The following LMBR1 variants were observed in gnomAD, a reference collection of about 807,000 sequenced individuals.
The protein encoded by LMBR1 is limb development membrane protein 1.
Under a neutral mutation model 73.9 loss-of-function variants are expected in LMBR1, and 52 were observed. The observed-to-expected ratio is 0.70, with a 90% CI of 0.56 to 0.89. The LOEUF (loss-of-function observed/expected upper bound fraction) is 0.89, where lower values mean the gene tolerates loss of function less well. LMBR1 is among the 40% of genes least tolerant of loss of function. The pLI is 0.00. For missense variants in LMBR1, 539 were observed against 579.8 expected, an observed-to-expected ratio of 0.93 and a Z score of 0.72; for synonymous variants, 215 against 209.4, an observed-to-expected ratio of 1.03 and a Z score of -0.23.
intron 4 of LMBR1, among the ~76,000 whole-genome samples, chr7:156,797,430 T>A (rs1299693124): frequency 6.6e-6 from 1 of 152,224 alleles, no homozygotes; most frequent in African/African-American, 2.4e-5. Flanking sequence ...ATAAATTCAA[T>A]GAACTGTTTG....
intron 8 of LMBR1, among the ~76,000 whole-genome samples, chr7:156,759,509 C>G (rs554752398): frequency 6.6e-6 from 1 of 152,260 alleles, no homozygotes; most frequent in South Asian, 2.1e-4. Context: ...TACTATCTAA[C>G]TTATAGGTTT....
intron 1 of LMBR1, among the ~76,000 whole-genome samples, chr7:156,858,813 C>T (rs1797331082): frequency 6.6e-6 from 1 of 152,020 alleles, no homozygotes; most frequent in South Asian, 2.1e-4. Context: ...GAAACATAAC[C>T]TATCAATAGA....
Position 156,753,192 on chromosome 7 carries a change from G to A in LMBR1, c.757+3201C>T, listed in dbSNP as rs115489269. ...ACAGGGACAGGCAAGGAGTGTCCTG[G>A]AGTGATGGGAAGGACATGCACACAG... is the stretch of plus-strand genomic sequence containing the variant. On this transcript the variant is annotated intron_variant, in intron 9 of 16. Coordinates refer to ENST00000353442, the MANE Select transcript of LMBR1 (RefSeq NM_022458.4). Among the ~76,000 whole-genome samples, 958 of 152,132 alleles carry A rather than the reference G, an allele frequency of 6.3e-3. 7 individuals carry two copies. The highest frequency in any genetic ancestry group is 0.022 in the African/African-American group (897 of 41,490).
rs3757433 is a variant in LMBR1, at chr7:156,687,939, G to A, written c.1387+91C>T. The A allele has an allele frequency of 0.047, 57,855 of 1,235,362 alleles. 2,102 individuals carry two copies. The highest frequency in any genetic ancestry group is 0.15 in the East Asian group (5,806 of 38,788). 76.5% of individuals were successfully genotyped at this position (1,235,362 alleles called of 1,614,324 possible). ...TGACCTCTAAGGTTTTACAAATTTG[G>A]GAAACTAAATAGCTGAAGATGTAAT... On this transcript the variant is annotated intron_variant, in intron 16 of 16. Coordinates refer to ENST00000353442, the MANE Select transcript of LMBR1 (RefSeq NM_022458.4).
chr7:156,712,349 TA>T (rs771271552), intron 15 of LMBR1, among the ~76,000 whole-genome samples: 5 of 150,366 alleles, frequency 3.3e-5, no homozygotes, highest in Admixed American at 2.0e-4. Context: ...TATTAAAAAG[TA>T]AAAAAAAACA....
chr7:156,673,919 A>AG (rs1554451269), downstream of LMBR1, among the ~76,000 whole-genome samples: 317 of 150,164 alleles, frequency 2.1e-3, 2 homozygotes, highest in African/African-American at 5.5e-3. Flanking sequence ...AAAAAAAAAA[A>AG]AAAGAAAAAG....
intron 15 of LMBR1, among the ~76,000 whole-genome samples, chr7:156,707,204 G>A (rs547002308): frequency 9.2e-5 from 14 of 152,098 alleles, no homozygotes; most frequent in Non-Finnish European, 1.9e-4. Flanking sequence ...TAAAAAACCC[G>A]AGCAGGCCAA....
chr7:156,820,049 G>A (rs1303538252), intron 4 of LMBR1, among the ~76,000 whole-genome samples: 1 of 152,152 alleles, frequency 6.6e-6, no homozygotes, highest in Non-Finnish European at 1.5e-5. Flanking sequence ...AAAGATGCAG[G>A]GGTGGGGATT....
chr7:156,690,730 TAA>T, intron 15 of LMBR1, among the ~76,000 whole-genome samples: 1 of 152,308 alleles, frequency 6.6e-6, no homozygotes, highest in South Asian at 2.1e-4. Flanking sequence ...TATTACCTCA[TAA>T]AAACTAGTTC....
At chr7:156,806,250 A>G (rs955881588) in intron 4 of LMBR1, among the ~76,000 whole-genome samples, 1 of 152,160 alleles carries the variant, frequency 6.6e-6, no homozygotes, top group African/African-American at 2.4e-5. Flanking sequence ...CATATAAGTG[A>G]TATTGGGTTG....
intron 4 of LMBR1, among the ~76,000 whole-genome samples, chr7:156,801,704 G>C (rs1831006548): frequency 6.6e-6 from 1 of 152,172 alleles, no homozygotes; most frequent in South Asian, 2.1e-4. Context: ...GCTGATTTTT[G>C]TATTTTTTGT....
intron 1 of LMBR1, among the ~76,000 whole-genome samples, chr7:156,840,964 C>CAAAAAAAAAAA (rs57968006): frequency 5.6e-5 from 4 of 71,288 alleles, no homozygotes; most frequent in African/African-American, 1.4e-4. Flanking sequence ...GACTCGGTCT[C>CAAAAAAAAAAA]AAAAAAAAAA....
intron 4 of LMBR1, among the ~76,000 whole-genome samples, chr7:156,797,438 T>C (rs1356665813): frequency 2.0e-5 from 3 of 152,232 alleles, no homozygotes; most frequent in Non-Finnish European, 2.9e-5. Context: ...AATGAACTGT[T>C]TGCCATTATA....
chr7:156,827,765 C>T (rs775444659), intron 3 of LMBR1, among the ~76,000 whole-genome samples: 5 of 151,996 alleles, frequency 3.3e-5, no homozygotes, highest in Non-Finnish European at 7.4e-5. Flanking sequence ...AACAGAGAAA[C>T]TTTGAGGCCA....
intron 16 of LMBR1, among the ~76,000 whole-genome samples, chr7:156,684,460 C>T (rs977897439): frequency 2.6e-5 from 4 of 152,120 alleles, no homozygotes; most frequent in African/African-American, 9.7e-5. Flanking sequence ...GAAGGGCCAT[C>T]GAAGTCACAA....
At chr7:156,871,907 T>G (rs1156921913) in intron 1 of LMBR1, among the ~76,000 whole-genome samples, 1 of 152,214 alleles carries the variant, frequency 6.6e-6, no homozygotes, top group Non-Finnish European at 1.5e-5. Flanking sequence ...CTTACTTACT[T>G]TTATTCAACA....
intron 14 of LMBR1, among the ~76,000 whole-genome samples, chr7:156,724,764 CTGTGTGTGTGTGTGTG>C (rs71189961): frequency 1.3e-4 from 19 of 146,536 alleles, no homozygotes; most frequent in South Asian, 6.7e-4. Flanking sequence ...AAAGAAATAG[CTGTGTGTGTGTGTGTG>C]TGTGTGTGTG....
chr7:156,839,754 G>C (rs1838309273), intron 1 of LMBR1, among the ~76,000 whole-genome samples: 1 of 152,130 alleles, frequency 6.6e-6, no homozygotes, highest in Admixed American at 6.5e-5. Flanking sequence ...AGACAGTACT[G>C]ACAGCAACCA....
At chr7:156,811,746 G>A (rs1042702985) in intron 4 of LMBR1, among the ~76,000 whole-genome samples, 3 of 152,178 alleles carry the variant, frequency 2.0e-5, no homozygotes, top group Non-Finnish European at 4.4e-5. Context: ...TGGTGTACTG[G>A]TTTTCTGGAA....
Sources: gnomAD v4.1 joint callset for allele counts (sites outside exome capture counted in the v4.1 genomes callset) on GRCh38, gnomAD v4.1.1 for gene constraint, MANE v1.5 for transcripts, NCBI Gene and HGNC (gene_info 2026-07-23, HGNC 2026-07-21) for gene names.